Variants in PPP1R9A observed in about 807,000 individuals in gnomAD.
PPP1R9A encodes the protein neurabin-1.
PPP1R9A carries 59 observed loss-of-function variants against 141.9 expected under a neutral mutation model. That is an observed-to-expected ratio of 0.42 (90% CI 0.34 to 0.52). The LOEUF is 0.52. Ranked by LOEUF, PPP1R9A falls within the 20% of genes least tolerant of loss-of-function variation. The probability of loss-of-function intolerance (pLI) is 0.10; values close to 1 mark genes in which losing one functional copy is unlikely to be tolerated. For synonymous variants in PPP1R9A, 500 were observed against 569.7 expected, an observed-to-expected ratio of 0.88 and a Z score of 1.74; for missense variants, 1,444 against 1,611.9, an observed-to-expected ratio of 0.90 and a Z score of 1.78.
At chr7:95,227,642 T>C (rs922268268) in intron 8 of PPP1R9A, among the ~76,000 whole-genome samples, 1 of 152,188 alleles carries the variant, frequency 6.6e-6, no homozygotes, top group African/African-American at 2.4e-5. Flanking sequence ...ATAGAGACTG[T>C]ATGGCCTGCA....
At chr7:95,029,370 A>G (rs1263789174) in intron 2 of PPP1R9A, among the ~76,000 whole-genome samples, 2 of 152,214 alleles carry the variant, frequency 1.3e-5, no homozygotes, top group East Asian at 1.9e-4. Context: ...TTTTGAGTCC[A>G]TTGGAAGTAG....
intron 7 of PPP1R9A, among the ~76,000 whole-genome samples, chr7:95,209,560 G>A (rs1054368217): frequency 1.3e-5 from 2 of 152,174 alleles, no homozygotes; most frequent in African/African-American, 4.8e-5. Context: ...CCACAAGTCA[G>A]CCATGTGAGG....
intron 2 of PPP1R9A, among the ~76,000 whole-genome samples, chr7:95,062,917 G>A (rs1339852032): frequency 6.6e-6 from 1 of 152,090 alleles, no homozygotes; most frequent in Non-Finnish European, 1.5e-5. Flanking sequence ...GGCAGATGGG[G>A]GACTGCAGGG....
chr7:95,268,508 C>T (rs750693325), intron 12 of PPP1R9A, 42 bp from the exon 13 acceptor site: 2 of 1,607,160 alleles, frequency 1.2e-6, no homozygotes, highest in Admixed American at 3.4e-5. Context: ...CATCAGTTCT[C>T]TCCAAAGGTT....
chr7:95,174,055 C>G (rs1832555860), intron 5 of PPP1R9A, among the ~76,000 whole-genome samples: 1 of 152,038 alleles, frequency 6.6e-6, no homozygotes, highest in African/African-American at 2.4e-5. Context: ...TATATAAAGA[C>G]TCATATTTGC....
chr7:94,921,583 G>A (rs1205846923), intron 2 of PPP1R9A, among the ~76,000 whole-genome samples: 1 of 151,828 alleles, frequency 6.6e-6, no homozygotes. Context: ...ACTTTTCATT[G>A]TTAATTGATA....
At chr7:95,242,969 G>T (rs1797664132) in intron 8 of PPP1R9A, among the ~76,000 whole-genome samples, 1 of 152,138 alleles carries the variant, frequency 6.6e-6, no homozygotes, top group Non-Finnish European at 1.5e-5. Flanking sequence ...CTTTGAAAAG[G>T]TTATTGATTC....
At chr7:95,017,688 C>A (rs1805300780) in intron 2 of PPP1R9A, among the ~76,000 whole-genome samples, 1 of 152,068 alleles carries the variant, frequency 6.6e-6, no homozygotes, top group African/African-American at 2.4e-5. Context: ...AGGACTTATC[C>A]TACCTGATTT....
intron 2 of PPP1R9A, chr7:95,018,234 G>C (rs1805392666): frequency 4.4e-6 from 1 of 229,586 alleles, no homozygotes; most frequent in Non-Finnish European, 9.9e-6. Context: ...TCCACCATCT[G>C]AATGTTCATT....
At chr7:95,217,394 A>G (rs1378708551) in intron 7 of PPP1R9A, among the ~76,000 whole-genome samples, 1 of 152,174 alleles carries the variant, frequency 6.6e-6, no homozygotes, top group Non-Finnish European at 1.5e-5. Flanking sequence ...GGATATTCAC[A>G]TCAATGTTCA....
At chr7:95,062,418 A>ATTTT (rs576031319) in intron 2 of PPP1R9A, among the ~76,000 whole-genome samples, 1 of 138,590 alleles carries the variant, frequency 7.2e-6, no homozygotes, top group Non-Finnish European at 1.6e-5. Flanking sequence ...AGATTAGGGA[A>ATTTT]TTTTTTTTTT....
intron 2 of PPP1R9A, among the ~76,000 whole-genome samples, chr7:94,926,228 C>A (rs980917363): frequency 6.6e-6 from 1 of 152,164 alleles, no homozygotes; most frequent in Non-Finnish European, 1.5e-5. Flanking sequence ...AGATTAAAAT[C>A]TTTCCTGGCC....
chr7:95,232,738 AATTT>A (rs1182843999), intron 8 of PPP1R9A, among the ~76,000 whole-genome samples: 1 of 152,120 alleles, frequency 6.6e-6, no homozygotes, highest in African/African-American at 2.4e-5. Context: ...CAAAACAAGA[AATTT>A]ATGTGGCCAA....
chr7:95,064,143 A>G (rs760654466), intron 2 of PPP1R9A, among the ~76,000 whole-genome samples: 2 of 152,186 alleles, frequency 1.3e-5, no homozygotes, highest in South Asian at 2.1e-4. Flanking sequence ...ATCAGTGCAT[A>G]TAGAACCATT....
At chr7:95,168,117 G>T (rs918591017) in intron 5 of PPP1R9A, among the ~76,000 whole-genome samples, 3 of 152,060 alleles carry the variant, frequency 2.0e-5, no homozygotes, top group African/African-American at 7.2e-5. Context: ...AAAGTTGGAG[G>T]CATCACATTA....
chr7:94,934,757 A>C (rs1042428035), intron 2 of PPP1R9A, among the ~76,000 whole-genome samples: 1 of 149,980 alleles, frequency 6.7e-6, no homozygotes, highest in African/African-American at 2.4e-5. Flanking sequence ...ATATACATAT[A>C]TATGTGTATA....
Position 95,040,257 on chromosome 7 carries a change from G to A in PPP1R9A, c.1396-71002G>A, listed in dbSNP as rs1809036447. Among the ~76,000 whole-genome samples the A allele has an allele frequency of 2.6e-5, 4 of 151,054 alleles. No individual in the cohort carries two copies. In the South Asian group the frequency reaches 8.4e-4, roughly 32 times the overall value. On this transcript the variant is annotated intron_variant, in intron 2 of 19. Coordinates refer to ENST00000433360, the MANE Select transcript of PPP1R9A (RefSeq NM_001166160.2). The stretch of plus-strand genomic sequence containing the variant: ...AATAACTAAAATCTAGTAGAAGAAA[G>A]TAAAAAAAGTGTATAAGTAAAAATA...
chr7:94,949,053 A>C (rs1394207136), intron 2 of PPP1R9A, among the ~76,000 whole-genome samples: 4 of 152,172 alleles, frequency 2.6e-5, no homozygotes, highest in Non-Finnish European at 5.9e-5. Context: ...TTCAAAAAGA[A>C]ATTCTTAAAT....
At chr7:94,907,327 T>TA (rs1161196591), upstream of PPP1R9A, 1 of 152,006 alleles carries the variant, frequency 6.6e-6, no homozygotes, top group East Asian at 1.9e-4. Flanking sequence ...TCAAGGTGAG[T>TA]AGTAGGCCAG....
Sources: gnomAD v4.1 joint callset for allele counts (sites outside exome capture counted in the v4.1 genomes callset) on GRCh38, gnomAD v4.1.1 for gene constraint, MANE v1.5 for transcripts, NCBI Gene and HGNC (gene_info 2026-07-23, HGNC 2026-07-21) for gene names.